Variants in SORCS1 observed in about 807,000 individuals in gnomAD.
The protein encoded by SORCS1 is VPS10 domain-containing receptor SorCS1.
Under a neutral mutation model 146.1 loss-of-function variants are expected in SORCS1, and 60 were observed. The ratio of observed to expected loss-of-function variants is 0.41; its 90% CI spans 0.33 to 0.51. The LOEUF is 0.51. Ranked by LOEUF, SORCS1 falls within the 20% of genes least tolerant of loss-of-function variation. The probability of loss-of-function intolerance (pLI) is 0.21; values close to 1 mark genes in which losing one functional copy is unlikely to be tolerated. For synonymous variants in SORCS1, 637 were observed against 584.0 expected (o/e 1.09, Z -1.31); for missense variants, 1,352 against 1,487.6 (o/e 0.91, Z 1.50).
chr10:106,788,439 G>A (rs1387554896), intron 3 of SORCS1, among the ~76,000 whole-genome samples: 1 of 152,186 alleles, frequency 6.6e-6, no homozygotes, highest in Non-Finnish European at 1.5e-5. Context: ...CTGCCTCTGA[G>A]CTTGTAAAAT....
At chr10:106,717,307 C>T (rs1333500510) in intron 6 of SORCS1, among the ~76,000 whole-genome samples, 4 of 152,242 alleles carry the variant, frequency 2.6e-5, no homozygotes, top group Non-Finnish European at 1.5e-5. Context: ...CACGTGTCAA[C>T]ACGCTGCTGT....
intron 23 of SORCS1, chr10:106,600,660 C>T: frequency 1.0e-6 from 1 of 985,412 alleles, no homozygotes; most frequent in Non-Finnish European, 1.2e-6. Context: ...TTCTTACTAT[C>T]TTTTCTAGCA....
chr10:106,640,213 C>A (rs1429150446), intron 18 of SORCS1, among the ~76,000 whole-genome samples: 8 of 152,202 alleles, frequency 5.3e-5, no homozygotes, highest in Admixed American at 4.6e-4. Context: ...TGATGGCTGA[C>A]AGCATCCTGC....
At chr10:106,837,714 C>T (rs557273347) in intron 2 of SORCS1, among the ~76,000 whole-genome samples, 1 of 151,726 alleles carries the variant, frequency 6.6e-6, no homozygotes, top group South Asian at 2.1e-4. Flanking sequence ...TGTGAGCTGC[C>T]TGATACCCAA....
At chr10:106,829,502 G>A (rs749787971) in intron 3 of SORCS1, 72 bp downstream of exon 3, 1 of 1,041,546 alleles carries the variant, frequency 9.6e-7, no homozygotes, top group Non-Finnish European at 1.5e-6. Flanking sequence ...TTTTTAGGTA[G>A]CTAGAGTGGT....
chr10:106,717,394 G>T (rs983859512), intron 6 of SORCS1, among the ~76,000 whole-genome samples: 1 of 152,176 alleles, frequency 6.6e-6, no homozygotes, highest in Non-Finnish European at 1.5e-5. Flanking sequence ...AATGTCAAAA[G>T]TGAGATTCTA....
chr10:106,823,876 C>G (rs943067255), intron 3 of SORCS1, among the ~76,000 whole-genome samples: 1 of 152,204 alleles, frequency 6.6e-6, no homozygotes, highest in Non-Finnish European at 1.5e-5. Context: ...GGGACTCAGT[C>G]TCCATATCTG....
At chr10:106,747,115 C>T (rs146093922) in intron 5 of SORCS1, among the ~76,000 whole-genome samples, 2 of 152,196 alleles carry the variant, frequency 1.3e-5, no homozygotes, top group Non-Finnish European at 2.9e-5. Flanking sequence ...ATGTAAAACC[C>T]TTTACCATAA....
At chr10:107,020,423 A>G (rs768678242) in intron 1 of SORCS1, among the ~76,000 whole-genome samples, 10 of 152,358 alleles carry the variant, frequency 6.6e-5, no homozygotes, top group African/African-American at 9.6e-5. Flanking sequence ...GCTGGCATCC[A>G]TAAGTTTGAA....
At position 106,989,194 on chromosome 10, in the gene SORCS1, C is replaced by T. The variant is rs1037712535; in HGVS notation, c.559-32614G>A. Among the ~76,000 whole-genome samples, 4 of 144,948 alleles carry T rather than the reference C, an allele frequency of 2.8e-5. No homozygotes were observed. In the Admixed American group the frequency reaches 2.9e-4, roughly 10 times the overall value. ...CTGAGGCAGGAAAATCGCTTGAACC[C>T]AGGAGGCAGAGAATGAGGTGAGCTG... is the stretch of plus-strand genomic sequence containing the variant. On this transcript the variant is annotated intron_variant, in intron 1 of 25. Coordinates refer to ENST00000263054, the MANE Select transcript of SORCS1 (RefSeq NM_052918.5).
rs148931138 is a variant in SORCS1 at position 106,760,548 on chromosome 10, C to T, written c.959+1040G>A. ...GCCATCTGCAAGCCAGAAAGGGAGTCGTTAGCAGGAACCAAATCTGCCGGC... is the reference window on the plus strand; with the variant it reads ...GCCATCTGCAAGCCAGAAAGGGAGTTGTTAGCAGGAACCAAATCTGCCGGC... On this transcript the variant is annotated intron_variant, in intron 5 of 25. Coordinates refer to ENST00000263054, the MANE Select transcript of SORCS1 (RefSeq NM_052918.5). Among the ~76,000 whole-genome samples, 773 of 151,608 alleles carry T rather than the reference C, an allele frequency of 5.1e-3. 8 individuals carry two copies. Among genetic ancestry groups the T allele is most frequent in the African/African-American group, 0.016 (667 of 41,336 alleles).
chr10:107,080,521 G>A (rs1963251692), intron 1 of SORCS1, among the ~76,000 whole-genome samples: 1 of 152,108 alleles, frequency 6.6e-6, no homozygotes, highest in South Asian at 2.1e-4. Context: ...GTGTGGTCTG[G>A]TAACAACATA....
At chr10:106,852,194 T>G (rs1949612926) in intron 2 of SORCS1, among the ~76,000 whole-genome samples, 1 of 152,202 alleles carries the variant, frequency 6.6e-6, no homozygotes, top group South Asian at 2.1e-4. Context: ...TCTTATGGTA[T>G]TAGCTAGGAC....
chr10:107,067,623 T>C (rs1041502243), intron 1 of SORCS1, among the ~76,000 whole-genome samples: 1 of 152,218 alleles, frequency 6.6e-6, no homozygotes, highest in Non-Finnish European at 1.5e-5. Flanking sequence ...ACTTTCATGA[T>C]TTTATATAAA....
At chr10:106,872,650 T>C (rs539408037) in intron 2 of SORCS1, among the ~76,000 whole-genome samples, 1 of 152,282 alleles carries the variant, frequency 6.6e-6, no homozygotes. Flanking sequence ...CAGCATGTAA[T>C]AAGCTTTACC....
In SORCS1 at chr10:106,776,114, A is replaced by T. The variant is rs1589852027; in HGVS notation, c.885+420T>A. On this transcript the variant is annotated intron_variant, in intron 4 of 25. Coordinates refer to ENST00000263054, the MANE Select transcript of SORCS1 (RefSeq NM_052918.5). The stretch of plus-strand genomic sequence containing the variant: ...TGGCCATTTCTCTCAGTGTTTTAGA[A>T]CAACCCTGCTTCGTGTTCTTAAACT... 2.0e-5 allele frequency among the ~76,000 whole-genome samples: 3 copies of T among 152,290 alleles called. 1 individual carries two copies. Among genetic ancestry groups the T allele is most frequent in the Admixed American group, 2.0e-4 (3 of 15,302 alleles).
chr10:107,058,293 G>A (rs180802012), intron 1 of SORCS1, among the ~76,000 whole-genome samples: 42 of 152,012 alleles, frequency 2.8e-4, no homozygotes, highest in Middle Eastern at 3.4e-3. Context: ...CGCCTGCCTC[G>A]GCCTCCCAAA....
At position 106,674,152 on chromosome 10, in the gene SORCS1, T is replaced by TAA. The variant is rs35781544; in HGVS notation, c.1940+895_1940+896dup. On this transcript the variant is annotated intron_variant, in intron 14 of 25. Transcript: ENST00000263054. ...TAACGTGGTGAAACTCTGTCTCTAC[T>TAA]AAAAAAAAAAAAAAAATTATAAAAA... Among the ~76,000 whole-genome samples the TAA allele has an allele frequency of 8.9e-3, 1,130 of 126,372 alleles. 14 individuals carry two copies. The highest frequency in any genetic ancestry group is 0.022 in the African/African-American group (751 of 33,578). The allele number at this position is 126,372 out of a possible 152,430, so 82.9% of individuals were successfully genotyped here. A position where few individuals can be genotyped will look rare whatever the true frequency, so the allele number is the denominator to read the frequency against.
chr10:106,642,959 G>C (rs890811171), intron 18 of SORCS1, among the ~76,000 whole-genome samples: 1 of 152,118 alleles, frequency 6.6e-6, no homozygotes, highest in African/African-American at 2.4e-5. Context: ...TTGATGATTT[G>C]GCCTTTTCTT....
Sources: allele counts gnomAD v4.1 joint callset (sites outside exome capture counted in the v4.1 genomes callset), GRCh38; gene constraint gnomAD v4.1.1; transcripts MANE v1.5; gene names NCBI Gene and HGNC (gene_info 2026-07-23, HGNC 2026-07-21).